Variants in GABRB1 observed in about 807,000 individuals in gnomAD.
GABRB1 encodes the protein gamma-aminobutyric acid receptor subunit beta-1.
In GABRB1, 17 loss-of-function variants were observed where a neutral mutation model predicts 51.6. That is an observed-to-expected ratio of 0.33 (90% CI 0.23 to 0.49). The LOEUF (loss-of-function observed/expected upper bound fraction) is 0.49. Among genes scored for constraint, GABRB1 ranks in the 20% least tolerant of loss-of-function variants. The pLI, the probability that GABRB1 is intolerant of heterozygous loss-of-function variation, is 0.99. For synonymous variants in GABRB1, 247 were observed against 218.9 expected, an observed-to-expected ratio of 1.13 and a Z score of -1.14; for missense variants, 410 against 600.6, an observed-to-expected ratio of 0.68 and a Z score of 3.32.
At chr4:47,374,410 T>C (rs901991754) in intron 5 of GABRB1, among the ~76,000 whole-genome samples, 2 of 152,038 alleles carry the variant, frequency 1.3e-5, no homozygotes, top group African/African-American at 4.8e-5. Flanking sequence ...AAATAACAAA[T>C]AAATAATTCT....
intron 8 of GABRB1, among the ~76,000 whole-genome samples, chr4:47,422,457 C>T (rs1166868199): frequency 6.6e-6 from 1 of 152,202 alleles, no homozygotes; most frequent in Non-Finnish European, 1.5e-5. Flanking sequence ...CCAGGTTCTG[C>T]TTCAGCTCTT....
At chr4:47,058,763 C>T (rs547983996) in intron 3 of GABRB1, among the ~76,000 whole-genome samples, 1 of 152,248 alleles carries the variant, frequency 6.6e-6, no homozygotes, top group East Asian at 1.9e-4. Flanking sequence ...AATAGATTGC[C>T]TTTGTAATGC....
intron 3 of GABRB1, among the ~76,000 whole-genome samples, chr4:47,036,689 C>A (rs1172553663): frequency 3.3e-5 from 5 of 151,944 alleles, no homozygotes. Context: ...TGGTGAAACC[C>A]CATGTCTACC....
At chr4:47,402,709 A>G (rs961363235) in intron 5 of GABRB1, among the ~76,000 whole-genome samples, 1 of 152,214 alleles carries the variant, frequency 6.6e-6, no homozygotes. Context: ...ATAAAGATAT[A>G]AAAGCATTAT....
At chr4:47,252,507 C>CTTT (rs34442754) in intron 4 of GABRB1, among the ~76,000 whole-genome samples, 2,428 of 116,304 alleles carry the variant, frequency 0.021, 189 homozygotes, top group African/African-American at 0.049. Flanking sequence ...TAGCAATTGC[C>CTTT]TTTTTTTTTT....
rs35215831 is a variant in GABRB1 at position 47,312,070 on chromosome 4, T to TGTGTGA, written c.462-8056_462-8055insTGTGAG. Among the ~76,000 whole-genome samples, 1,062 of 149,412 alleles carry TGTGTGA rather than the reference T, an allele frequency of 7.1e-3. 4 individuals are homozygous for TGTGTGA. The highest frequency in any genetic ancestry group is 0.011 in the Admixed American group (161 of 14,972). The stretch of plus-strand genomic sequence containing the variant: ...GTGTGTGTGTGTGTGTGTGTGTGTG[T>TGTGTGA]GCGCGTGCATACAGGCATGCTTGGT... On this transcript the variant is annotated intron_variant, in intron 4 of 8. Transcript: ENST00000295454.
At chr4:47,071,647 C>CT (rs751213665) in intron 3 of GABRB1, among the ~76,000 whole-genome samples, 3,399 of 139,732 alleles carry the variant, frequency 0.024, 92 homozygotes, top group African/African-American at 0.067. Context: ...ATTTTTTTTT[C>CT]TTTTTTTTTT....
intron 4 of GABRB1, among the ~76,000 whole-genome samples, chr4:47,265,604 A>G (rs767758338): frequency 2.6e-5 from 4 of 151,988 alleles, no homozygotes; most frequent in Non-Finnish European, 5.9e-5. Flanking sequence ...GCCAACATCT[A>G]TGATTTTTGA....
At chr4:47,383,488 C>T (rs908500370) in intron 5 of GABRB1, among the ~76,000 whole-genome samples, 2 of 150,940 alleles carry the variant, frequency 1.3e-5, no homozygotes, top group Non-Finnish European at 3.0e-5. Flanking sequence ...ATAGATTATA[C>T]CTAAAAAAAA....
At chr4:47,070,267 C>G (rs1421565181) in intron 3 of GABRB1, among the ~76,000 whole-genome samples, 3 of 152,138 alleles carry the variant, frequency 2.0e-5, no homozygotes, top group Admixed American at 1.3e-4. Context: ...AACTCCTGAC[C>G]TCGTGAGATC....
chr4:47,167,673 G>T (rs112925625), intron 4 of GABRB1, among the ~76,000 whole-genome samples: 2 of 152,134 alleles, frequency 1.3e-5, no homozygotes, highest in Non-Finnish European at 2.9e-5. Context: ...TTTAAGGGGT[G>T]ACTAGGTCAT....
At chr4:47,279,007 T>A (rs887533193) in intron 4 of GABRB1, among the ~76,000 whole-genome samples, 6 of 152,132 alleles carry the variant, frequency 3.9e-5, no homozygotes, top group Non-Finnish European at 8.8e-5. Flanking sequence ...GCATCTTCCC[T>A]TGTGAGGCAC....
intron 3 of GABRB1, among the ~76,000 whole-genome samples, chr4:47,065,204 T>C (rs143144796): frequency 2.0e-5 from 3 of 152,222 alleles, no homozygotes; most frequent in Non-Finnish European, 4.4e-5. Context: ...ACAAATGGCA[T>C]ATTAAAACCC....
At position 47,150,182 on chromosome 4, in the gene GABRB1, A is replaced by AAC. The variant is rs36209473; in HGVS notation, c.241-11034_241-11033dup. Among the ~76,000 whole-genome samples, 306 of 141,604 alleles carry AAC rather than the reference A, an allele frequency of 2.2e-3. 1 individual carries two copies. Among genetic ancestry groups the AAC allele is most frequent in the East Asian group, 4.0e-3 (19 of 4,720 alleles). 92.9% of individuals were successfully genotyped at this position (141,604 alleles called of 152,430 possible). A position where few individuals can be genotyped will look rare whatever the true frequency, so the allele number is the denominator to read the frequency against. Reference sequence around the variant, plus strand: ...CCTATGCTTATACACACACACACACAACACACACACACACACACACACACA... The same window carrying AAC: ...CCTATGCTTATACACACACACACACAACACACACACACACACACACACACACA... On this transcript the variant is annotated intron_variant, in intron 3 of 8. Transcript: ENST00000295454.
At chr4:47,146,292 T>G (rs552677730) in intron 3 of GABRB1, among the ~76,000 whole-genome samples, 8 of 152,170 alleles carry the variant, frequency 5.3e-5, no homozygotes, top group African/African-American at 1.4e-4. Context: ...CTTTCTCTCT[T>G]CCTTTCTTTT....
upstream of GABRB1, chr4:46,993,654 A>C (rs1030980000): frequency 1.9e-6 from 1 of 538,746 alleles, no homozygotes; most frequent in East Asian, 3.3e-5. Flanking sequence ...CTCAATGTGT[A>C]TGTAGAGCTA....
At chr4:47,260,962 C>A (rs1186724945) in intron 4 of GABRB1, among the ~76,000 whole-genome samples, 1 of 152,250 alleles carries the variant, frequency 6.6e-6, no homozygotes, top group East Asian at 1.9e-4. Context: ...ATGATTATCT[C>A]AATAGAGGCA....
intron 4 of GABRB1, among the ~76,000 whole-genome samples, chr4:47,168,730 G>A (rs948399159): frequency 1.3e-5 from 2 of 152,044 alleles, no homozygotes; most frequent in South Asian, 2.1e-4. Context: ...GTATTACTTC[G>A]CTGGGGCTGC....
At chr4:47,372,501 T>G (rs1640351145) in intron 5 of GABRB1, among the ~76,000 whole-genome samples, 1 of 152,206 alleles carries the variant, frequency 6.6e-6, no homozygotes, top group African/African-American at 2.4e-5. Context: ...CATAACTTTT[T>G]GGCCATTTTC....
Sources: gnomAD v4.1 joint callset for allele counts (sites outside exome capture counted in the v4.1 genomes callset) on GRCh38, gnomAD v4.1.1 for gene constraint, MANE v1.5 for transcripts, NCBI Gene and HGNC (gene_info 2026-07-23, HGNC 2026-07-21) for gene names.